Variants in PCDH15 observed in about 807,000 individuals in gnomAD.
PCDH15 encodes protocadherin-15.
PCDH15 carries 129 observed loss-of-function variants against 178.5 expected under a neutral mutation model. The ratio of observed to expected loss-of-function variants is 0.72; its 90% CI spans 0.63 to 0.84. PCDH15 has a LOEUF of 0.84. Among genes scored for constraint, PCDH15 ranks in the 40% least tolerant of loss-of-function variants. The pLI is 0.00. For synonymous variants in PCDH15, 800 were observed against 732.0 expected (o/e 1.09, Z -1.50); for missense variants, 2,230 against 2,099.9 (o/e 1.06, Z -1.21).
At chr10:54,416,680 A>G (rs969980225) in intron 3 of PCDH15, among the ~76,000 whole-genome samples, 2 of 152,184 alleles carry the variant, frequency 1.3e-5, no homozygotes, top group Non-Finnish European at 2.9e-5. Context: ...TTCTGGTTCT[A>G]GATCCTTGAT....
At chr10:54,014,797 C>T (rs2092692803) in intron 20 of PCDH15, among the ~76,000 whole-genome samples, 1 of 152,072 alleles carries the variant, frequency 6.6e-6, no homozygotes, top group African/African-American at 2.4e-5. Flanking sequence ...AAATGCACAG[C>T]CAACGTCACA....
chr10:54,246,100 G>A (rs914733847), intron 8 of PCDH15, among the ~76,000 whole-genome samples: 9 of 151,866 alleles, frequency 5.9e-5, no homozygotes, highest in South Asian at 4.1e-4. Context: ...AGGGACATAC[G>A]CTCAGAGATG....
chr10:53,975,677 G>A (rs1332394913), intron 21 of PCDH15, among the ~76,000 whole-genome samples: 1 of 152,052 alleles, frequency 6.6e-6, no homozygotes, highest in African/African-American at 2.4e-5. Context: ...TTAGACTTTT[G>A]TCAGATGCAT....
intron 3 of PCDH15, among the ~76,000 whole-genome samples, chr10:54,830,113 T>C (rs977152191): frequency 1.3e-5 from 2 of 152,010 alleles, no homozygotes; most frequent in African/African-American, 4.8e-5. Context: ...CTTATTAACA[T>C]AGAAAAAATG....
At chr10:54,443,497 A>C (rs1338837355) in intron 3 of PCDH15, among the ~76,000 whole-genome samples, 2 of 151,630 alleles carry the variant, frequency 1.3e-5, no homozygotes, top group Admixed American at 6.6e-5. Flanking sequence ...AACAACACAA[A>C]AAAAAATCTG....
chr10:54,804,772 C>T (rs1460369238), upstream of PCDH15, among the ~76,000 whole-genome samples: 1 of 151,442 alleles, frequency 6.6e-6, no homozygotes, highest in Non-Finnish European at 1.5e-5. Flanking sequence ...ATCCTACACA[C>T]AGCTGTGAAG....
intron 2 of PCDH15, among the ~76,000 whole-genome samples, chr10:55,139,849 A>G (rs1838299328): frequency 6.6e-6 from 1 of 151,998 alleles, no homozygotes; most frequent in Non-Finnish European, 1.5e-5. Flanking sequence ...ATTTGTCAAC[A>G]TACCTATCAA....
At chr10:54,324,583 C>T (rs2061815922) in intron 7 of PCDH15, among the ~76,000 whole-genome samples, 1 of 151,936 alleles carries the variant, frequency 6.6e-6, no homozygotes, top group Non-Finnish European at 1.5e-5. Flanking sequence ...CTGTCCAGCA[C>T]AGTGAAACTC....
intron 2 of PCDH15, among the ~76,000 whole-genome samples, chr10:55,028,624 A>G (rs1840533548): frequency 6.6e-6 from 1 of 151,948 alleles, no homozygotes; most frequent in Non-Finnish European, 1.5e-5. Context: ...TTGAAATGTG[A>G]TCATTACCTC....
At chr10:55,608,662 T>G (rs1013160809) in intron 2 of PCDH15, among the ~76,000 whole-genome samples, 12 of 151,844 alleles carry the variant, frequency 7.9e-5, no homozygotes, top group Non-Finnish European at 1.8e-4. Context: ...AAGACTTTAA[T>G]CAGGTGCTGC....
chr10:55,506,582 G>A (rs1253726311), intron 2 of PCDH15, among the ~76,000 whole-genome samples: 1 of 151,496 alleles, frequency 6.6e-6, no homozygotes, highest in African/African-American at 2.4e-5. Context: ...TGACGAAGGT[G>A]ATAAGGTAAC....
chr10:54,531,465 TA>T (rs1402294850), intron 2 of PCDH15, among the ~76,000 whole-genome samples: 1 of 152,204 alleles, frequency 6.6e-6, no homozygotes, highest in Non-Finnish European at 1.5e-5. Flanking sequence ...TCACAGATAC[TA>T]AGCCTGTGAT....
At chr10:54,713,487 C>A (rs940404566) in intron 1 of PCDH15, among the ~76,000 whole-genome samples, 1 of 152,074 alleles carries the variant, frequency 6.6e-6, no homozygotes, top group Non-Finnish European at 1.5e-5. Flanking sequence ...TAGTGTTGTT[C>A]TGGCTTTTTA....
chr10:55,129,199 A>T (rs1381114116), intron 2 of PCDH15, among the ~76,000 whole-genome samples: 1 of 152,122 alleles, frequency 6.6e-6, no homozygotes, highest in Non-Finnish European at 1.5e-5. Flanking sequence ...AGTCATTGAA[A>T]AGAGTGTCTA....
chr10:53,925,008 A>T (rs1024527786), intron 25 of PCDH15, among the ~76,000 whole-genome samples: 1 of 152,174 alleles, frequency 6.6e-6, no homozygotes, highest in Non-Finnish European at 1.5e-5. Flanking sequence ...TGTAAAACAG[A>T]CCAATCAGCT....
intron 2 of PCDH15, among the ~76,000 whole-genome samples, chr10:54,631,868 G>A (rs1431480218): frequency 1.3e-5 from 2 of 152,060 alleles, no homozygotes; most frequent in Non-Finnish European, 2.9e-5. Context: ...CAGGTCTCAT[G>A]AGAACTCACA....
chr10:54,058,318 G>T (rs76091041), intron 18 of PCDH15, among the ~76,000 whole-genome samples: 29,322 of 152,182 alleles, frequency 0.19, 3,016 homozygotes, highest in Non-Finnish European at 0.23. Context: ...ATCAAGGAAA[G>T]AAGTCTAATT....
At chr10:54,702,116 A>G (rs886238661) in intron 1 of PCDH15, among the ~76,000 whole-genome samples, 2 of 152,110 alleles carry the variant, frequency 1.3e-5, no homozygotes, top group African/African-American at 2.4e-5. Context: ...CTGTCAGACC[A>G]CAGCACAATA....
chr10:53,847,866 T>A (rs749170257), intron 28 of PCDH15, among the ~76,000 whole-genome samples: 20 of 152,202 alleles, frequency 1.3e-4, no homozygotes, highest in Middle Eastern at 3.4e-3. Context: ...TCTGTGTGAA[T>A]CATTGTAAAC....
Sources: gnomAD v4.1 joint callset for allele counts (sites outside exome capture counted in the v4.1 genomes callset) on GRCh38, gnomAD v4.1.1 for gene constraint, MANE v1.5 for transcripts, NCBI Gene and HGNC (gene_info 2026-07-23, HGNC 2026-07-21) for gene names.